TXNDC5: variants seen among roughly 807,000 people sequenced by gnomAD.
TXNDC5 encodes the protein thioredoxin domain-containing protein 5.
Under a neutral mutation model 52.6 loss-of-function variants are expected in TXNDC5, and 44 were observed. The ratio of observed to expected loss-of-function variants is 0.84; its 90% CI spans 0.66 to 1.08. The LOEUF (loss-of-function observed/expected upper bound fraction) is 1.08. Among genes scored for constraint, TXNDC5 ranks in the 50% least tolerant of loss-of-function variants. The probability of loss-of-function intolerance (pLI) is 0.00; values close to 1 mark genes in which losing one functional copy is unlikely to be tolerated. For missense variants in TXNDC5, 600 were observed against 565.5 expected, an observed-to-expected ratio of 1.06 and a Z score of -0.62; for synonymous variants, 241 against 234.4, an observed-to-expected ratio of 1.03 and a Z score of -0.26.
Position 7,910,064 on chromosome 6 carries a change from G to A in TXNDC5, c.263+450C>T, listed in dbSNP as rs191107493. ...CCCCTCCCTCGGTGCCGAGGTGCAA[G>A]AGGCGGTTGAATTCAGGAGCGCGGC... On this transcript the variant is annotated intron_variant, in intron 1 of 9. Transcript: ENST00000379757. 1.0e-4 allele frequency: 100 copies of A among 986,200 alleles called. No individual in the cohort carries two copies. In the South Asian group the frequency reaches 3.5e-3, roughly 34 times the overall value. The allele number at this position is 986,200 out of a possible 1,614,324, so 61.1% of individuals were successfully genotyped here. A position where few individuals can be genotyped will look rare whatever the true frequency, so the allele number is the denominator to read the frequency against.
chr6:7,887,729 G>A (rs1442929353), intron 7 of TXNDC5, among the ~76,000 whole-genome samples: 1 of 152,086 alleles, frequency 6.6e-6, no homozygotes, highest in Non-Finnish European at 1.5e-5. Flanking sequence ...TTGGCCAGCT[G>A]CCCACAGACT....
intron 1 of TXNDC5, chr6:7,910,223 C>T (rs1760871604): frequency 1.1e-6 from 1 of 902,122 alleles, no homozygotes; most frequent in Non-Finnish European, 1.3e-6. Flanking sequence ...AGCCCCAAGC[C>T]CTCGGTCCCC....
chr6:7,887,467 G>T (rs995141611), intron 7 of TXNDC5, among the ~76,000 whole-genome samples: 1 of 150,816 alleles, frequency 6.6e-6, no homozygotes, highest in African/African-American at 2.5e-5. Flanking sequence ...CACCAGATAT[G>T]CGGGAATCAG....
chr6:7,905,081 C>T (rs952855925), intron 1 of TXNDC5, among the ~76,000 whole-genome samples: 5 of 152,190 alleles, frequency 3.3e-5, no homozygotes, highest in Admixed American at 2.0e-4. Flanking sequence ...GCAGTGTTCC[C>T]AAAGGACTAT....
intron 3 of TXNDC5, among the ~76,000 whole-genome samples, chr6:7,898,064 T>A (rs1760434114): frequency 1.4e-5 from 2 of 141,846 alleles, no homozygotes; most frequent in Admixed American, 1.4e-4. Flanking sequence ...GTTCAGAGAG[T>A]TTTTTTTTTT....
At chr6:7,897,741 T>A (rs1760422142) in intron 3 of TXNDC5, among the ~76,000 whole-genome samples, 1 of 152,232 alleles carries the variant, frequency 6.6e-6, no homozygotes, top group South Asian at 2.1e-4. Flanking sequence ...TCTGCCGTCC[T>A]GATACTGGCT....
At chr6:7,898,919 T>C (rs1222709248) in intron 3 of TXNDC5, among the ~76,000 whole-genome samples, 3 of 152,158 alleles carry the variant, frequency 2.0e-5, no homozygotes, top group Non-Finnish European at 4.4e-5. Context: ...CACAGAGTAT[T>C]AATGGTACAA....
chr6:7,905,500 T>C (rs1163081004), intron 1 of TXNDC5, among the ~76,000 whole-genome samples: 1 of 152,268 alleles, frequency 6.6e-6, no homozygotes, highest in Non-Finnish European at 1.5e-5. Context: ...AATTCAGTTA[T>C]GTATAAATAT....
At position 7,883,072 on chromosome 6, in the gene TXNDC5, G is replaced by T; in HGVS notation, c.*72C>A. The T allele has an allele frequency of 6.2e-7, 1 of 1,600,358 alleles. No homozygotes were observed. On this transcript the variant is annotated 3_prime_UTR_variant, in exon 10 of 10. Coordinates refer to ENST00000379757, the MANE Select transcript of TXNDC5 (RefSeq NM_030810.5). The stretch of plus-strand genomic sequence containing the variant: ...AACAGCCACCACTGGGAACCCAGTG[G>T]CCTCTGTGGGACTGAACTCCTAAAC...
At chr6:7,894,841 G>A in intron 4 of TXNDC5, 1 of 985,408 alleles carries the variant, frequency 1.0e-6, no homozygotes, top group Non-Finnish European at 1.2e-6. Flanking sequence ...AACACTCTTA[G>A]CCAAGGATGC....
At chr6:7,884,619 C>G in intron 8 of TXNDC5, 131 bp from the exon 9 acceptor site, 1 of 1,257,628 alleles carries the variant, frequency 8.0e-7, no homozygotes, top group Non-Finnish European at 1.1e-6. Flanking sequence ...TGTAAAATAC[C>G]AAATTCTCCC....
intron 1 of TXNDC5, among the ~76,000 whole-genome samples, chr6:7,906,111 C>T (rs1760719754): frequency 6.8e-6 from 1 of 148,098 alleles, no homozygotes; most frequent in Non-Finnish European, 1.5e-5. Flanking sequence ...TGTGGTGGCA[C>T]ACACCTGCAG....
At chr6:7,889,678 T>G in intron 5 of TXNDC5, 97 bp from the exon 6 acceptor site, 2 of 931,324 alleles carry the variant, frequency 2.1e-6, no homozygotes, top group Non-Finnish European at 1.6e-6. Flanking sequence ...AATATTCTTT[T>G]CAAAATCCAC....
intron 8 of TXNDC5, 26 bp downstream of exon 8, chr6:7,885,935 T>C (rs756840047): frequency 1.4e-5 from 23 of 1,610,452 alleles, no homozygotes; most frequent in Non-Finnish European, 1.9e-5. Context: ...ATGGACAAAG[T>C]AGTTTCTAAT....
chr6:7,887,486 C>T (rs1001654810), intron 7 of TXNDC5, among the ~76,000 whole-genome samples: 3 of 124,774 alleles, frequency 2.4e-5, no homozygotes, highest in African/African-American at 3.9e-5. Flanking sequence ...AGACTCGCCT[C>T]GGACCCTCCC....
chr6:7,903,887 C>T (rs113069438), intron 2 of TXNDC5, among the ~76,000 whole-genome samples: 111 of 152,222 alleles, frequency 7.3e-4, no homozygotes, highest in Non-Finnish European at 1.3e-3. Flanking sequence ...ATTCCTGGAA[C>T]GAACATTCCA....
At chr6:7,888,133 G>T (rs1327356993) in intron 7 of TXNDC5, among the ~76,000 whole-genome samples, 1 of 152,160 alleles carries the variant, frequency 6.6e-6, no homozygotes, top group Non-Finnish European at 1.5e-5. Context: ...CATAACAAGG[G>T]CTTCATAAAG....
chr6:7,895,250 G>A, intron 3 of TXNDC5, 48 bp from the exon 4 acceptor site: 2 of 1,539,416 alleles, frequency 1.3e-6, no homozygotes, highest in East Asian at 2.4e-5. Flanking sequence ...TGGAGACACA[G>A]GGAAACCATC....
intron 1 of TXNDC5, chr6:7,909,807 C>A: frequency 1.0e-6 from 1 of 986,080 alleles, no homozygotes; most frequent in African/African-American, 1.7e-5. Context: ...AAGTGGGAAA[C>A]CACACCTTCC....
Sources: allele counts gnomAD v4.1 joint callset (sites outside exome capture counted in the v4.1 genomes callset), GRCh38; gene constraint gnomAD v4.1.1; transcripts MANE v1.5; gene names NCBI Gene and HGNC (gene_info 2026-07-23, HGNC 2026-07-21).